Variants in TMEM163 observed in about 807,000 individuals in gnomAD.
The protein encoded by TMEM163 is transmembrane protein 163.
In TMEM163, 17 loss-of-function variants were observed where a neutral mutation model predicts 29.3. That is an observed-to-expected ratio of 0.58 (90% CI 0.40 to 0.87). The LOEUF (loss-of-function observed/expected upper bound fraction) is 0.87. Among genes scored for constraint, TMEM163 ranks in the 40% least tolerant of loss-of-function variants. The pLI, the probability that TMEM163 is intolerant of heterozygous loss-of-function variation, is 0.00. For missense variants in TMEM163, 303 were observed against 381.5 expected (o/e 0.79, Z 1.71); for synonymous variants, 157 against 160.6 (o/e 0.98, Z 0.17).
rs1317439096 is a variant in TMEM163 at position 134,718,869 on chromosome 2, C to T, written c.67G>A (p.Gly23Ser). 1.3e-5 allele frequency: 14 copies of T among 1,106,180 alleles called. No homozygotes were observed. The highest frequency in any genetic ancestry group is 1.5e-5 in the Non-Finnish European group (14 of 908,778). The allele number at this position is 1,106,180 out of a possible 1,614,324, so 68.5% of individuals were successfully genotyped here. The change falls in exon 1 of 8, where the codon GGC (glycine) becomes AGC (serine). Residue 23 changes from glycine (G) to serine (S), a missense_variant. Physicochemically the swap from Gly to Ser is moderately conservative, Grantham distance 56. Coordinates refer to ENST00000281924, the MANE Select transcript of TMEM163 (RefSeq NM_030923.5). ...GGGGCGGCAGCCGGTGGCGCGTGGC[C>T]CCGGGGCGGCGGCGGGACGGTGGGC... ...QGPTVPPPPR[G>S]HAPPAAAPGP...
chr2:134,459,554 G>A (rs558290793), intron 6 of TMEM163, among the ~76,000 whole-genome samples: 106 of 141,076 alleles, frequency 7.5e-4, no homozygotes, highest in Non-Finnish European at 1.3e-3. Flanking sequence ...TCCACCCCAC[G>A]CCTCCCCCAT....
intron 4 of TMEM163, among the ~76,000 whole-genome samples, chr2:134,548,647 A>C (rs1380165389): frequency 1.3e-5 from 2 of 151,826 alleles, no homozygotes; most frequent in Non-Finnish European, 2.9e-5. Context: ...TTTATCCAAA[A>C]TGCTTAGGAC....
At chr2:134,480,906 A>G (rs901906304) in intron 5 of TMEM163, among the ~76,000 whole-genome samples, 12 of 152,230 alleles carry the variant, frequency 7.9e-5, no homozygotes, top group African/African-American at 2.2e-4. Flanking sequence ...GTTGAATTTG[A>G]TAAATTCTGT....
In TMEM163 at chr2:134,503,722, G is replaced by A. The variant is rs541655430; in HGVS notation, c.459-725C>T. The stretch of plus-strand genomic sequence containing the variant: ...GTCAACCAAGACACTCAGCACAGGC[G>A]GAGGCAGGAGCAGGTGTGCAGTGAG... On this transcript the variant is annotated intron_variant, in intron 4 of 7. Transcript: ENST00000281924. Among the ~76,000 whole-genome samples, 9 of 152,236 alleles carry A rather than the reference G, an allele frequency of 5.9e-5. No individual in the cohort carries two copies. The East Asian group carries it at 9.7e-4, about 16-fold the overall frequency.
chr2:134,460,936 C>T lies in TMEM163; in HGVS notation c.668-2763G>A, dbSNP rs1163055303. On this transcript the variant is annotated intron_variant, in intron 6 of 7. Coordinates refer to ENST00000281924, the MANE Select transcript of TMEM163 (RefSeq NM_030923.5). The surrounding 1 kb of genome is among the most constrained non-coding windows in gnomAD (Gnocchi z 4.3). ...AGCCTGACTCATTTCAGCTTCACTTCTTGAGAGTCTGCCTGAGGATGCTGG... is the reference window on the plus strand; with the variant it reads ...AGCCTGACTCATTTCAGCTTCACTTTTTGAGAGTCTGCCTGAGGATGCTGG... Among the ~76,000 whole-genome samples, 1 of 152,244 alleles carries T rather than the reference C, an allele frequency of 6.6e-6. No homozygotes were observed.
At chr2:134,484,316 C>T (rs1015311421) in intron 5 of TMEM163, among the ~76,000 whole-genome samples, 3 of 151,978 alleles carry the variant, frequency 2.0e-5, no homozygotes, top group African/African-American at 7.2e-5. Context: ...ATAGAGAAAA[C>T]ACAAGTTTTT....
At position 134,700,909 on chromosome 2, in the gene TMEM163, C is replaced by CATAAATAA. The variant is rs746341374; in HGVS notation, c.322+12283_322+12290dup. On this transcript the variant is annotated intron_variant, in intron 2 of 7. Coordinates refer to ENST00000281924, the MANE Select transcript of TMEM163 (RefSeq NM_030923.5). ...AGAACAAAACTCTGTCTCGAAAATA[C>CATAAATAA]ATAAATAAATAAATAAATAAATAAA... Among the ~76,000 whole-genome samples the CATAAATAA allele has an allele frequency of 4.1e-3, 242 of 58,710 alleles. 1 individual carries two copies. The highest frequency in any genetic ancestry group is 0.017 in the South Asian group (26 of 1,518). The allele number at this position is 58,710 out of a possible 152,430, so 38.5% of individuals were successfully genotyped here. A position where few individuals can be genotyped will look rare whatever the true frequency, so the allele number is the denominator to read the frequency against.
chr2:134,458,235 A>G (rs1223756889), intron 6 of TMEM163, 62 bp from the exon 7 acceptor site: 1 of 1,593,356 alleles, frequency 6.3e-7, no homozygotes, highest in Non-Finnish European at 8.6e-7. Flanking sequence ...AATCACCCAA[A>G]TGCCAGTCCT....
At chr2:134,709,794 C>A (rs1452930366) in intron 2 of TMEM163, among the ~76,000 whole-genome samples, 2 of 152,176 alleles carry the variant, frequency 1.3e-5, no homozygotes, top group Non-Finnish European at 2.9e-5. Flanking sequence ...AAAAGCTGAC[C>A]AGCATTAGCA....
intron 6 of TMEM163, chr2:134,458,382 A>T: frequency 1.7e-6 from 1 of 582,336 alleles, no homozygotes; most frequent in South Asian, 2.1e-5. Context: ...CACCCCCACC[A>T]TCATTCTGTA....
intron 5 of TMEM163, among the ~76,000 whole-genome samples, chr2:134,488,078 A>G (rs55888392): frequency 0.11 from 17,475 of 152,202 alleles, 1,239 homozygotes; most frequent in South Asian, 0.2. Context: ...ATAGCAACAG[A>G]TAGACAATAT....
intron 2 of TMEM163, among the ~76,000 whole-genome samples, chr2:134,674,616 C>G (rs1357265423): frequency 6.6e-6 from 1 of 151,900 alleles, no homozygotes; most frequent in Non-Finnish European, 1.5e-5. Flanking sequence ...CGTCGGCCTC[C>G]CAAAGTGCTG....
At chr2:134,717,343 G>C (rs566381977) in intron 1 of TMEM163, among the ~76,000 whole-genome samples, 2 of 152,330 alleles carry the variant, frequency 1.3e-5, no homozygotes, top group Admixed American at 6.5e-5. Context: ...GATGTCCCCT[G>C]TCCTCACCTC....
At chr2:134,645,683 A>T (rs578111422) in intron 2 of TMEM163, among the ~76,000 whole-genome samples, 19 of 152,346 alleles carry the variant, frequency 1.2e-4, no homozygotes, top group African/African-American at 4.6e-4. Flanking sequence ...ATGAATCTCA[A>T]AGGCATTAAG....
At chr2:134,692,060 G>A (rs1424445035) in intron 2 of TMEM163, among the ~76,000 whole-genome samples, 1 of 152,118 alleles carries the variant, frequency 6.6e-6, no homozygotes, top group East Asian at 1.9e-4. Flanking sequence ...ACAGGTGGAG[G>A]GAGATTTGAC....
intron 4 of TMEM163, among the ~76,000 whole-genome samples, chr2:134,508,698 T>C (rs1679881210): frequency 6.6e-6 from 1 of 151,972 alleles, no homozygotes; most frequent in African/African-American, 2.4e-5. Flanking sequence ...CTTCTGGAAC[T>C]CCCCCACTTC....
chr2:134,649,998 C>G (rs1683429626), intron 2 of TMEM163, among the ~76,000 whole-genome samples: 1 of 110,446 alleles, frequency 9.1e-6, no homozygotes, highest in African/African-American at 3.9e-5. Context: ...GAGTGAGACC[C>G]TGTCTTAAAA....
At chr2:134,598,066 T>C (rs1682130910) in intron 2 of TMEM163, among the ~76,000 whole-genome samples, 1 of 152,222 alleles carries the variant, frequency 6.6e-6, no homozygotes, top group African/African-American at 2.4e-5. Context: ...AACCAGCTCC[T>C]GGATTCATTG....
At chr2:134,617,744 A>G (rs1682641044) in intron 2 of TMEM163, among the ~76,000 whole-genome samples, 1 of 152,238 alleles carries the variant, frequency 6.6e-6, no homozygotes, top group Admixed American at 6.5e-5. Context: ...GAAACCAATC[A>G]TATCAATAAT....
Sources: allele counts gnomAD v4.1 joint callset (sites outside exome capture counted in the v4.1 genomes callset), GRCh38; gene constraint gnomAD v4.1.1; non-coding constraint Gnocchi (gnomAD v3.1); transcripts MANE v1.5; gene names NCBI Gene and HGNC (gene_info 2026-07-23, HGNC 2026-07-21).